The following CYTH1 variants were observed in gnomAD, a reference collection of about 807,000 sequenced individuals.
CYTH1 encodes cytohesin-1.
Under a neutral mutation model 61.8 loss-of-function variants are expected in CYTH1, and 18 were observed. That is an observed-to-expected ratio of 0.29 (90% CI 0.20 to 0.43). CYTH1 has a LOEUF of 0.43. Among genes scored for constraint, CYTH1 ranks in the 20% least tolerant of loss-of-function variants. CYTH1 has a pLI of 1.00. For missense variants in CYTH1, 336 were observed against 510.5 expected, an observed-to-expected ratio of 0.66 and a Z score of 3.29; for synonymous variants, 174 against 184.3, an observed-to-expected ratio of 0.94 and a Z score of 0.45.
At chr17:78,686,141 C>A (rs2092814449) in intron 11 of CYTH1, among the ~76,000 whole-genome samples, 1 of 152,190 alleles carries the variant, frequency 6.6e-6, no homozygotes, top group South Asian at 2.1e-4. Context: ...TTCTCTGCAT[C>A]TGCTAGCTTT....
chr17:78,713,238 T>A (rs1217588374), intron 1 of CYTH1, among the ~76,000 whole-genome samples: 2 of 152,102 alleles, frequency 1.3e-5, no homozygotes, highest in Non-Finnish European at 2.9e-5. Flanking sequence ...CAGTTCACTC[T>A]GATTTTTCTG....
intron 3 of CYTH1, among the ~76,000 whole-genome samples, chr17:78,703,212 G>C (rs921178048): frequency 1.5e-4 from 23 of 151,696 alleles, no homozygotes; most frequent in Non-Finnish European, 3.1e-4. Context: ...AGGAGTTCAA[G>C]ACCAGCCCAG....
chr17:78,735,247 T>G (rs2093315227), intron 1 of CYTH1, among the ~76,000 whole-genome samples: 3 of 152,180 alleles, frequency 2.0e-5, no homozygotes, highest in African/African-American at 7.2e-5. Context: ...CATGTTGACT[T>G]TTGAAGCCTC....
At chr17:78,715,939 A>G (rs1258372736) in intron 1 of CYTH1, among the ~76,000 whole-genome samples, 1 of 152,232 alleles carries the variant, frequency 6.6e-6, no homozygotes, top group Non-Finnish European at 1.5e-5. Flanking sequence ...TGGAGAGGGC[A>G]GCAGGGTCCC....
Position 78,775,914 on chromosome 17 carries a change from G to A in CYTH1, c.22+6288C>T, listed in dbSNP as rs144998143. On this transcript the variant is annotated intron_variant, in intron 1 of 13. Transcript: ENST00000446868. Reference sequence around the variant, plus strand: ...TCATACCTGTAATCCCAGCACTTTGGGAGGCTGAAGTGGGCAAATCACCTG... The same window carrying A: ...TCATACCTGTAATCCCAGCACTTTGAGAGGCTGAAGTGGGCAAATCACCTG... Among the ~76,000 whole-genome samples, 438 of 152,240 alleles carry A rather than the reference G, an allele frequency of 2.9e-3. 2 individuals are homozygous for A. Among genetic ancestry groups the A allele is most frequent in the Middle Eastern group, 0.014 (4 of 294 alleles).
chr17:78,725,454 T>C (rs2093261216), intron 1 of CYTH1, among the ~76,000 whole-genome samples: 1 of 152,200 alleles, frequency 6.6e-6, no homozygotes, highest in African/African-American at 2.4e-5. Flanking sequence ...CTGTAAATAT[T>C]CTCATAGCAC....
At chr17:78,769,068 C>T (rs1290664893) in intron 1 of CYTH1, among the ~76,000 whole-genome samples, 1 of 151,888 alleles carries the variant, frequency 6.6e-6, no homozygotes, top group Non-Finnish European at 1.5e-5. Flanking sequence ...ATCACTTGAA[C>T]CCAGGAGGCA....
chr17:78,763,663 T>C (rs761919021), intron 1 of CYTH1, among the ~76,000 whole-genome samples: 43 of 152,232 alleles, frequency 2.8e-4, no homozygotes, highest in Non-Finnish European at 5.6e-4. Flanking sequence ...GTTACGTGAA[T>C]GTAGTCTCTC....
intron 6 of CYTH1, among the ~76,000 whole-genome samples, chr17:78,701,447 A>C (rs2093007860): frequency 6.6e-6 from 1 of 152,242 alleles, no homozygotes; most frequent in Non-Finnish European, 1.5e-5. Context: ...GACTCAAGGA[A>C]GAGTGTTACA....
intron 1 of CYTH1, among the ~76,000 whole-genome samples, chr17:78,757,527 T>A (rs2093406579): frequency 6.6e-6 from 1 of 152,138 alleles, no homozygotes; most frequent in African/African-American, 2.4e-5. Context: ...GCTATAATTT[T>A]CCCATTCTAA....
chr17:78,749,714 T>A (rs1221425916), intron 1 of CYTH1, among the ~76,000 whole-genome samples: 1 of 152,112 alleles, frequency 6.6e-6, no homozygotes, highest in Non-Finnish European at 1.5e-5. Context: ...TCTAATTATC[T>A]TGCTTTAGAA....
At chr17:78,755,808 G>A (rs1436626269) in intron 1 of CYTH1, among the ~76,000 whole-genome samples, 23 of 151,932 alleles carry the variant, frequency 1.5e-4, no homozygotes, top group Non-Finnish European at 3.2e-4. Flanking sequence ...CTACTTGGGA[G>A]GCTGAGGTGG....
intron 3 of CYTH1, among the ~76,000 whole-genome samples, chr17:78,705,419 C>G (rs1178074122): frequency 3.3e-5 from 5 of 152,184 alleles, no homozygotes; most frequent in Middle Eastern, 3.2e-3. Flanking sequence ...TCTGACACCC[C>G]AGTTAAGGTG....
intron 10 of CYTH1, 118 bp from the exon 11 acceptor site, chr17:78,692,611 G>T: frequency 1.2e-6 from 1 of 848,064 alleles, no homozygotes; most frequent in Non-Finnish European, 1.9e-6. Context: ...TCAGGAGAAC[G>T]TGGAGCCCAC....
At chr17:78,727,891 C>A in intron 1 of CYTH1, 1 of 341,744 alleles carries the variant, frequency 2.9e-6, no homozygotes, top group South Asian at 2.1e-5. Flanking sequence ...TGAGGAGGAG[C>A]AGAAGGCAGG....
At chr17:78,727,151 T>A (rs2093271029) in intron 1 of CYTH1, among the ~76,000 whole-genome samples, 1 of 152,220 alleles carries the variant, frequency 6.6e-6, no homozygotes, top group Admixed American at 6.5e-5. Flanking sequence ...GAATTCACAA[T>A]GCTGCTCAAA....
intron 1 of CYTH1, among the ~76,000 whole-genome samples, chr17:78,731,885 A>G (rs1225420261): frequency 6.6e-6 from 1 of 152,252 alleles, no homozygotes; most frequent in Non-Finnish European, 1.5e-5. Flanking sequence ...TCAAAATCCA[A>G]GGGAAAAATG....
chr17:78,723,094 G>A (rs1199587736), intron 1 of CYTH1: 1 of 152,524 alleles, frequency 6.6e-6, no homozygotes, highest in African/African-American at 2.4e-5. Context: ...CATGCAGAGA[G>A]ACAGCCACGC....
Position 78,697,964 on chromosome 17 carries a change from A to G in CYTH1, c.811+305T>C, listed in dbSNP as rs551743920. On this transcript the variant is annotated intron_variant, in intron 9 of 13. Coordinates refer to ENST00000446868, the MANE Select transcript of CYTH1 (RefSeq NM_004762.6). ...ATGGTGGAGTAAGTCTGTCCCCAGTAGTCTCTGTGTCCCATGGGGGCAATG... is the reference window on the plus strand; with the variant it reads ...ATGGTGGAGTAAGTCTGTCCCCAGTGGTCTCTGTGTCCCATGGGGGCAATG... 2.6e-5 allele frequency among the ~76,000 whole-genome samples: 4 copies of G among 152,348 alleles called. 1 individual carries two copies. Among genetic ancestry groups the G allele is most frequent in the African/African-American group, 9.6e-5 (4 of 41,586 alleles).
Sources: gnomAD v4.1 joint callset for allele counts (sites outside exome capture counted in the v4.1 genomes callset) on GRCh38, gnomAD v4.1.1 for gene constraint, MANE v1.5 for transcripts, NCBI Gene and HGNC (gene_info 2026-07-23, HGNC 2026-07-21) for gene names.